The following GRIN2A variants were observed in gnomAD, a reference collection of about 807,000 sequenced individuals.
GRIN2A encodes glutamate receptor ionotropic, NMDA 2A.
Under a neutral mutation model 113.4 loss-of-function variants are expected in GRIN2A, and 22 were observed. The ratio of observed to expected loss-of-function variants is 0.19; its 90% CI spans 0.14 to 0.28. GRIN2A has a LOEUF of 0.28. Ranked by LOEUF, GRIN2A falls within the 10% of genes least tolerant of loss-of-function variation. The pLI, the probability that GRIN2A is intolerant of heterozygous loss-of-function variation, is 1.00. For missense variants in GRIN2A, 1,502 were observed against 1,887.0 expected, an observed-to-expected ratio of 0.80 and a Z score of 3.78; for synonymous variants, 827 against 738.4, an observed-to-expected ratio of 1.12 and a Z score of -1.94.
intron 10 of GRIN2A, among the ~76,000 whole-genome samples, chr16:9,813,324 C>T (rs533094311): frequency 2.6e-5 from 4 of 152,020 alleles, no homozygotes; most frequent in Non-Finnish European, 5.9e-5. Context: ...TGTATATATG[C>T]GTTGACAATA....
At chr16:10,125,178 C>G (rs917999921) in intron 2 of GRIN2A, among the ~76,000 whole-genome samples, 15 of 152,206 alleles carry the variant, frequency 9.9e-5, no homozygotes, top group African/African-American at 3.6e-4. Flanking sequence ...GCAATCAAGT[C>G]CCACAATGTC....
intron 2 of GRIN2A, among the ~76,000 whole-genome samples, chr16:10,161,221 C>A (rs1394323480): frequency 6.6e-6 from 1 of 152,158 alleles, no homozygotes; most frequent in East Asian, 1.9e-4. Flanking sequence ...GCTTTTCCCC[C>A]TTTTGCTCAC....
At chr16:9,907,567 A>C (rs376459908) in intron 3 of GRIN2A, among the ~76,000 whole-genome samples, 2 of 152,222 alleles carry the variant, frequency 1.3e-5, no homozygotes, top group Non-Finnish European at 1.5e-5. Flanking sequence ...CTGTGTGCCA[A>C]GAATCATACA....
intron 3 of GRIN2A, among the ~76,000 whole-genome samples, chr16:9,916,508 G>A (rs1467419951): frequency 2.0e-5 from 3 of 152,100 alleles, no homozygotes; most frequent in Non-Finnish European, 4.4e-5. Flanking sequence ...AAACAATTTG[G>A]AACCAAAAGG....
At chr16:10,026,662 A>T (rs533494302) in intron 2 of GRIN2A, among the ~76,000 whole-genome samples, 1 of 148,570 alleles carries the variant, frequency 6.7e-6, no homozygotes, top group South Asian at 2.2e-4. Context: ...GAGAACAAGG[A>T]AAGAAGACCA....
intron 2 of GRIN2A, among the ~76,000 whole-genome samples, chr16:10,065,823 G>C (rs1391030714): frequency 5.9e-5 from 9 of 152,162 alleles, no homozygotes; most frequent in Non-Finnish European, 2.9e-5. Context: ...TTGACCCTCT[G>C]TCATGACATT....
chr16:9,963,565 G>A (rs867759228), intron 2 of GRIN2A, among the ~76,000 whole-genome samples: 4 of 152,026 alleles, frequency 2.6e-5, no homozygotes, highest in African/African-American at 7.2e-5. Flanking sequence ...TCTGCATCTC[G>A]ATCTGTGTGG....
chr16:9,982,173 T>A (rs997597761), intron 2 of GRIN2A, among the ~76,000 whole-genome samples: 15 of 152,178 alleles, frequency 9.9e-5, no homozygotes, highest in Non-Finnish European at 4.4e-5. Context: ...TCCAATAGTC[T>A]GGATTTTGCT....
intron 2 of GRIN2A, among the ~76,000 whole-genome samples, chr16:10,110,753 C>T (rs767600720): frequency 6.6e-6 from 1 of 152,212 alleles, no homozygotes; most frequent in Non-Finnish European, 1.5e-5. Context: ...AGGCTCCACT[C>T]CTTTCACAGC....
chr16:10,097,968 T>C (rs2142099933), intron 2 of GRIN2A, among the ~76,000 whole-genome samples: 1 of 152,294 alleles, frequency 6.6e-6, no homozygotes, highest in Admixed American at 6.5e-5. Flanking sequence ...AAAGAGCTTC[T>C]GCACAGCCAA....
At chr16:10,174,286 T>C (rs1596580296) in intron 2 of GRIN2A, among the ~76,000 whole-genome samples, 1 of 152,150 alleles carries the variant, frequency 6.6e-6, no homozygotes, top group East Asian at 1.9e-4. Flanking sequence ...CTACATGAGA[T>C]GGACTCCTAA....
intron 2 of GRIN2A, among the ~76,000 whole-genome samples, chr16:10,059,058 GC>G (rs1317306164): frequency 6.6e-6 from 1 of 152,158 alleles, no homozygotes; most frequent in Non-Finnish European, 1.5e-5. Flanking sequence ...TCAGACAAAG[GC>G]CCTGTAACAG....
At chr16:10,024,055 C>A (rs1272785021) in intron 2 of GRIN2A, among the ~76,000 whole-genome samples, 1 of 152,136 alleles carries the variant, frequency 6.6e-6, no homozygotes, top group Non-Finnish European at 1.5e-5. Context: ...AGCCAGAATT[C>A]GAATCCAAAG....
intron 11 of GRIN2A, among the ~76,000 whole-genome samples, chr16:9,783,608 C>G (rs149566296): frequency 6.6e-6 from 1 of 152,092 alleles, no homozygotes; most frequent in Non-Finnish European, 1.5e-5. Flanking sequence ...CCATTTATGC[C>G]TCTAGTTTTC....
intron 2 of GRIN2A, among the ~76,000 whole-genome samples, chr16:9,973,643 T>C (rs1206186024): frequency 6.6e-6 from 1 of 151,648 alleles, no homozygotes; most frequent in Non-Finnish European, 1.5e-5. Flanking sequence ...CTGATGAAAA[T>C]CAAAAGAAAG....
At chr16:9,806,409 GTTTAT>G (rs975016933) in intron 10 of GRIN2A, among the ~76,000 whole-genome samples, 1 of 144,908 alleles carries the variant, frequency 6.9e-6, no homozygotes. Context: ...GCTCTTGTCA[GTTTAT>G]TTTGTGTGGC....
rs568244821 is a variant in GRIN2A at position 9,827,367 on chromosome 16, T to C, written c.2007+2056A>G. Among the ~76,000 whole-genome samples, 15 of 152,218 alleles carry C rather than the reference T, an allele frequency of 9.9e-5. No individual in the cohort carries two copies. The South Asian group carries it at 3.1e-3, about 32-fold the overall frequency. On this transcript the variant is annotated intron_variant, in intron 9 of 12. Coordinates refer to ENST00000330684, the MANE Select transcript of GRIN2A (RefSeq NM_001134407.3). ...GTGAAGGATTTGGGGGTGAGCATGA[T>C]TTACTAGTGAAGGGTTCCAGGAGAA...
intron 4 of GRIN2A, among the ~76,000 whole-genome samples, chr16:9,872,434 G>C (rs1020147542): frequency 6.6e-6 from 1 of 152,148 alleles, no homozygotes; most frequent in African/African-American, 2.4e-5. Flanking sequence ...TTGGGCTTCT[G>C]ATCAGACACA....
chr16:9,845,852 G>A (rs533613567), intron 5 of GRIN2A, among the ~76,000 whole-genome samples: 1 of 152,072 alleles, frequency 6.6e-6, no homozygotes, highest in Admixed American at 6.5e-5. Flanking sequence ...TTACAACATG[G>A]GGTCACCCAT....
Sources: gnomAD v4.1 joint callset for allele counts (sites outside exome capture counted in the v4.1 genomes callset) on GRCh38, gnomAD v4.1.1 for gene constraint, MANE v1.5 for transcripts, NCBI Gene and HGNC (gene_info 2026-07-23, HGNC 2026-07-21) for gene names.